Variants in PCCA observed in about 807,000 individuals in gnomAD.
PCCA encodes propionyl-CoA carboxylase alpha chain, mitochondrial.
In PCCA, 74 loss-of-function variants were observed where a neutral mutation model predicts 101.3. That is an observed-to-expected ratio of 0.73 (90% confidence interval 0.61 to 0.89). The LOEUF (loss-of-function observed/expected upper bound fraction) is 0.89, where lower values mean the gene tolerates loss of function less well. PCCA is among the 40% of genes least tolerant of loss of function. The probability of loss-of-function intolerance (pLI) is 0.00; values close to 1 mark genes in which losing one functional copy is unlikely to be tolerated. For synonymous variants in PCCA, 294 were observed against 313.6 expected, an observed-to-expected ratio of 0.94 and a Z score of 0.66; for missense variants, 891 against 907.0, an observed-to-expected ratio of 0.98 and a Z score of 0.23.
intron 5 of PCCA, among the ~76,000 whole-genome samples, chr13:100,156,659 G>GA (rs926494953): frequency 4.6e-5 from 7 of 151,804 alleles, no homozygotes; most frequent in Non-Finnish European, 8.8e-5. Context: ...GACATTAGAA[G>GA]AAAAAAAATT....
intron 21 of PCCA, among the ~76,000 whole-genome samples, chr13:100,468,328 A>G (rs2082699153): frequency 6.6e-6 from 1 of 152,224 alleles, no homozygotes; most frequent in Admixed American, 6.5e-5. Context: ...CAGCAGTTGC[A>G]TTAGCCCTTA....
chr13:100,239,802 A>C (rs897100878), intron 8 of PCCA, among the ~76,000 whole-genome samples: 1 of 152,112 alleles, frequency 6.6e-6, no homozygotes, highest in Non-Finnish European at 1.5e-5. Flanking sequence ...TGTCTTTCTC[A>C]CAATCACAAA....
intron 18 of PCCA, among the ~76,000 whole-genome samples, chr13:100,344,697 G>GACTGTCAT (rs1434774402): frequency 6.6e-6 from 1 of 152,152 alleles, no homozygotes; most frequent in Non-Finnish European, 1.5e-5. Context: ...ACCTCTTAGA[G>GACTGTCAT]ACTGTCATAC....
intron 6 of PCCA, among the ~76,000 whole-genome samples, chr13:100,193,047 A>G (rs1248477739): frequency 1.3e-5 from 2 of 152,204 alleles, no homozygotes; most frequent in Non-Finnish European, 2.9e-5. Flanking sequence ...ACCGAGTAAT[A>G]GATGTGTTCA....
At chr13:100,362,606 G>A (rs1326888119) in intron 18 of PCCA, among the ~76,000 whole-genome samples, 1 of 152,098 alleles carries the variant, frequency 6.6e-6, no homozygotes, top group African/African-American at 2.4e-5. Flanking sequence ...GCCTTTCCTG[G>A]CTAATCATGC....
intron 6 of PCCA, among the ~76,000 whole-genome samples, chr13:100,164,843 C>G (rs1408006426): frequency 6.6e-6 from 1 of 152,180 alleles, no homozygotes; most frequent in Non-Finnish European, 1.5e-5. Context: ...ACTAATTCCC[C>G]ATTTCCCACC....
At chr13:100,420,837 C>G in intron 19 of PCCA, among the ~76,000 whole-genome samples, 1 of 152,070 alleles carries the variant, frequency 6.6e-6, no homozygotes, top group East Asian at 1.9e-4. Context: ...TTATTGTGTG[C>G]CTACTAGTGA....
At chr13:100,178,461 AT>A (rs943590858) in intron 6 of PCCA, among the ~76,000 whole-genome samples, 19 of 152,174 alleles carry the variant, frequency 1.2e-4, no homozygotes, top group African/African-American at 4.6e-4. Context: ...TTGCTTCTCA[AT>A]CCATAAGGCT....
chr13:100,454,918 A>G (rs985772915), intron 21 of PCCA, among the ~76,000 whole-genome samples: 3 of 152,152 alleles, frequency 2.0e-5, no homozygotes, highest in Non-Finnish European at 4.4e-5. Context: ...TATTATATAT[A>G]TGAAATATTA....
chr13:100,326,107 C>A (rs1038125500), intron 16 of PCCA, among the ~76,000 whole-genome samples: 1 of 152,056 alleles, frequency 6.6e-6, no homozygotes, highest in Non-Finnish European at 1.5e-5. Context: ...GCCATCAAGC[C>A]CAAAATTTGT....
chr13:100,132,829 A>C (rs776098217), intron 4 of PCCA, among the ~76,000 whole-genome samples: 21 of 151,964 alleles, frequency 1.4e-4, no homozygotes, highest in Non-Finnish European at 7.4e-5. Flanking sequence ...GCTAGAGTGT[A>C]GTGGCACCAT....
intron 17 of PCCA, among the ~76,000 whole-genome samples, chr13:100,335,020 G>A (rs1226380417): frequency 2.0e-5 from 3 of 152,164 alleles, no homozygotes; most frequent in Non-Finnish European, 4.4e-5. Flanking sequence ...GAAAGAAGAT[G>A]CAAGGAATGT....
intron 1 of PCCA, among the ~76,000 whole-genome samples, chr13:100,094,367 C>T (rs1021086325): frequency 6.6e-6 from 1 of 151,638 alleles, no homozygotes; most frequent in Non-Finnish European, 1.5e-5. Flanking sequence ...ATAGTTGAAG[C>T]AAAATTATAT....
At chr13:100,334,413 T>G (rs2070114045) in intron 17 of PCCA, among the ~76,000 whole-genome samples, 1 of 152,186 alleles carries the variant, frequency 6.6e-6, no homozygotes, top group South Asian at 2.1e-4. Flanking sequence ...CTCTTTGGCC[T>G]GCATATTGAG....
intron 20 of PCCA, among the ~76,000 whole-genome samples, chr13:100,428,816 G>A (rs1217521952): frequency 6.6e-6 from 1 of 152,108 alleles, no homozygotes; most frequent in East Asian, 1.9e-4. Context: ...AATGAGCTGA[G>A]GAGTGGTGTG....
chr13:100,425,775 G>C, intron 20 of PCCA, 44 bp downstream of exon 20: 1 of 1,274,646 alleles, frequency 7.8e-7, no homozygotes, highest in Non-Finnish European at 1.1e-6. Context: ...CTCAAGTCCA[G>C]AATCCTTGTC....
At chr13:100,119,384 A>G (rs1399962158) in intron 4 of PCCA, among the ~76,000 whole-genome samples, 1 of 151,892 alleles carries the variant, frequency 6.6e-6, no homozygotes, top group African/African-American at 2.4e-5. Flanking sequence ...GAATTTCAAG[A>G]TGGTTTGGGT....
chr13:100,364,267 T>C (rs1352196782), intron 18 of PCCA, among the ~76,000 whole-genome samples: 2 of 152,192 alleles, frequency 1.3e-5, no homozygotes, highest in Non-Finnish European at 2.9e-5. Flanking sequence ...TTTTCCTTAT[T>C]GTCAGAGAGT....
chr13:100,321,812 A>G (rs1389197097), intron 16 of PCCA, among the ~76,000 whole-genome samples: 2 of 152,120 alleles, frequency 1.3e-5, no homozygotes, highest in East Asian at 3.9e-4. Flanking sequence ...ATTGGCCTTT[A>G]TAAAATTTAG....
Sources: allele counts gnomAD v4.1 joint callset (sites outside exome capture counted in the v4.1 genomes callset), GRCh38; gene constraint gnomAD v4.1.1; transcripts MANE v1.5; gene names NCBI Gene and HGNC (gene_info 2026-07-23, HGNC 2026-07-21).